NTRK2: variants seen among roughly 807,000 people sequenced by gnomAD.
NTRK2 encodes the protein neurotrophic receptor tyrosine kinase 2, also known as BDNF/NT-3 growth factors receptor.
A neutral mutation model predicts 94.5 loss-of-function variants in NTRK2; 13 were observed. That is an observed-to-expected ratio of 0.14 (90% confidence interval 0.09 to 0.22). The LOEUF is 0.22. NTRK2 is among the 10% of genes least tolerant of loss of function. NTRK2 has a pLI of 1.00. For missense variants in NTRK2, 639 were observed against 1,071.2 expected, an observed-to-expected ratio of 0.60 and a Z score of 5.63; for synonymous variants, 372 against 407.4, an observed-to-expected ratio of 0.91 and a Z score of 1.05.
chr9:84,875,036 A>G lies in NTRK2; in HGVS notation c.1633+7605A>G, dbSNP rs368553663. 14 of 1,059,276 alleles carry G rather than the reference A, an allele frequency of 1.3e-5. No individual in the cohort carries two copies. The East Asian group carries it at 2.6e-4, about 20-fold the overall frequency. The allele number at this position is 1,059,276 out of a possible 1,614,324, so 65.6% of individuals were successfully genotyped here. A position where few individuals can be genotyped will look rare whatever the true frequency, so the allele number is the denominator to read the frequency against. ...AACCTGGAAAACATAAGAAACAAAGATGAAACGAAAAGTCCCATGTAATTC... is the reference window on the plus strand; with the variant it reads ...AACCTGGAAAACATAAGAAACAAAGGTGAAACGAAAAGTCCCATGTAATTC... On this transcript the variant is annotated intron_variant, in intron 14 of 18. Transcript: ENST00000277120.
intron 12 of NTRK2, among the ~76,000 whole-genome samples, chr9:84,839,888 C>T (rs1587614537): frequency 6.6e-6 from 1 of 152,302 alleles, no homozygotes; most frequent in East Asian, 1.9e-4. Flanking sequence ...CTGGGAAGCT[C>T]TGAAACTACA....
intron 14 of NTRK2, among the ~76,000 whole-genome samples, chr9:84,892,682 A>G (rs1203115077): frequency 6.6e-6 from 1 of 152,220 alleles, no homozygotes; most frequent in Middle Eastern, 3.2e-3. Flanking sequence ...ACACTTTGGG[A>G]GGCCAAGGCA....
intron 9 of NTRK2, among the ~76,000 whole-genome samples, chr9:84,732,713 G>A (rs1051518758): frequency 6.6e-6 from 1 of 151,988 alleles, no homozygotes; most frequent in Non-Finnish European, 1.5e-5. Flanking sequence ...TGTCCCTGCT[G>A]CCCAGGTGAA....
chr9:84,672,670 T>A (rs1291767721), intron 2 of NTRK2, among the ~76,000 whole-genome samples: 1 of 152,166 alleles, frequency 6.6e-6, no homozygotes, highest in Non-Finnish European at 1.5e-5. Flanking sequence ...ATAGGGCTGA[T>A]CATTTTCACT....
At chr9:84,697,455 C>A (rs545350786) in intron 2 of NTRK2, among the ~76,000 whole-genome samples, 1 of 152,144 alleles carries the variant, frequency 6.6e-6, no homozygotes, top group Admixed American at 6.5e-5. Context: ...GGGAATGGCA[C>A]CCTTTTTGGA....
intron 12 of NTRK2, among the ~76,000 whole-genome samples, chr9:84,843,784 G>A (rs1007749964): frequency 2.0e-5 from 3 of 152,162 alleles, no homozygotes; most frequent in Non-Finnish European, 4.4e-5. Context: ...ATCTAGCTGA[G>A]GACATAGATG....
intron 17 of NTRK2, among the ~76,000 whole-genome samples, chr9:84,996,650 AGAGT>A (rs1442780541): frequency 6.6e-6 from 1 of 152,250 alleles, no homozygotes; most frequent in Non-Finnish European, 1.5e-5. Context: ...ATTCAGAGTC[AGAGT>A]GAGTACTCTA....
In NTRK2 at chr9:84,898,058, GT is replaced by G. The variant is rs397965892; in HGVS notation, c.1633+30642del. 7.2e-3 allele frequency among the ~76,000 whole-genome samples: 1,029 copies of G among 141,984 alleles called. 13 individuals carry two copies. Among genetic ancestry groups the G allele is most frequent in the Admixed American group, 0.042 (592 of 14,198 alleles). The allele number at this position is 141,984 out of a possible 152,430, so 93.1% of individuals were successfully genotyped here. ...AAGATGAAAGGTCTTATCTGCCACT[GT>G]TTTTTTTTTTTTTTCTATGATATCT... On this transcript the variant is annotated intron_variant, in intron 14 of 18. Transcript: ENST00000277120.
intron 8 of NTRK2, among the ~76,000 whole-genome samples, chr9:84,726,157 G>A (rs1407185661): frequency 6.6e-6 from 1 of 152,170 alleles, no homozygotes; most frequent in African/African-American, 2.4e-5. Flanking sequence ...ATCTGTCATA[G>A]TTTAGACAAA....
intron 17 of NTRK2, among the ~76,000 whole-genome samples, chr9:84,988,544 G>A (rs931480067): frequency 6.6e-6 from 1 of 152,128 alleles, no homozygotes; most frequent in African/African-American, 2.4e-5. Context: ...GAGAACCACT[G>A]CATTAGAGAA....
chr9:84,967,783 C>T (rs1005954705), intron 17 of NTRK2, among the ~76,000 whole-genome samples: 3 of 152,208 alleles, frequency 2.0e-5, no homozygotes, highest in Non-Finnish European at 2.9e-5. Flanking sequence ...CAGAAATCTT[C>T]CTGGGTTTTG....
intron 2 of NTRK2, among the ~76,000 whole-genome samples, chr9:84,679,988 G>T (rs1236822961): frequency 3.3e-5 from 5 of 152,042 alleles, no homozygotes; most frequent in African/African-American, 9.7e-5. Flanking sequence ...TGAGGCTCTG[G>T]CAAGTTTTCT....
intron 12 of NTRK2, chr9:84,811,140 G>GTATATAT (rs1320539702): frequency 4.3e-5 from 46 of 1,063,352 alleles, no homozygotes; most frequent in Admixed American, 2.1e-4. Flanking sequence ...AGAGTTAAGG[G>GTATATAT]TATATATACC....
chr9:84,911,595 T>C (rs2077237155), intron 14 of NTRK2, among the ~76,000 whole-genome samples: 1 of 152,162 alleles, frequency 6.6e-6, no homozygotes, highest in Non-Finnish European at 1.5e-5. Flanking sequence ...TCTCCATGTC[T>C]GTAGGGTTTG....
At chr9:84,937,690 C>A (rs1256442463) in intron 15 of NTRK2, among the ~76,000 whole-genome samples, 1 of 152,020 alleles carries the variant, frequency 6.6e-6, no homozygotes, top group Non-Finnish European at 1.5e-5. Context: ...ATCAAAGAAC[C>A]CATAGAGAGG....
chr9:84,780,002 C>T (rs1424557558), intron 12 of NTRK2, among the ~76,000 whole-genome samples: 1 of 152,068 alleles, frequency 6.6e-6, no homozygotes. Context: ...TGGCAGCTAG[C>T]CTTTATGATT....
chr9:84,783,429 G>C (rs965627002), intron 12 of NTRK2, among the ~76,000 whole-genome samples: 2 of 152,164 alleles, frequency 1.3e-5, no homozygotes, highest in African/African-American at 4.8e-5. Flanking sequence ...TCCCTGAAGG[G>C]TTAGTATCTA....
At chr9:84,819,011 A>G (rs561568035) in intron 12 of NTRK2, among the ~76,000 whole-genome samples, 31 of 152,154 alleles carry the variant, frequency 2.0e-4, no homozygotes, top group Non-Finnish European at 4.4e-4. Context: ...CTAATTTTCC[A>G]GTCATTTGGT....
chr9:85,006,907 C>T (rs1831031673), intron 17 of NTRK2, among the ~76,000 whole-genome samples: 1 of 152,202 alleles, frequency 6.6e-6, no homozygotes, highest in Non-Finnish European at 1.5e-5. Context: ...CGCAGCCCCA[C>T]CAGCACTTAC....
Sources: allele counts gnomAD v4.1 joint callset (sites outside exome capture counted in the v4.1 genomes callset), GRCh38; gene constraint gnomAD v4.1.1; transcripts MANE v1.5; gene names NCBI Gene and HGNC (gene_info 2026-07-23, HGNC 2026-07-21).